PALM2AKAP2: variants seen among roughly 807,000 people sequenced by gnomAD.
PALM2AKAP2 encodes PALM2 and AKAP2 fusion, also known as PALM2-AKAP2 fusion protein.
PALM2AKAP2 carries 37 observed loss-of-function variants against 71.5 expected under a neutral mutation model. The ratio of observed to expected loss-of-function variants is 0.52; its 90% CI spans 0.40 to 0.68. The LOEUF (loss-of-function observed/expected upper bound fraction) is 0.68. Ranked by LOEUF, PALM2AKAP2 falls within the 30% of genes least tolerant of loss-of-function variation. The pLI is 0.00. For missense variants in PALM2AKAP2, 1,224 were observed against 1,191.8 expected (o/e 1.03, Z -0.40); for synonymous variants, 468 against 478.8 (o/e 0.98, Z 0.29).
intron 1 of PALM2AKAP2, among the ~76,000 whole-genome samples, chr9:109,755,367 A>T (rs1156346343): frequency 6.6e-6 from 1 of 151,090 alleles, no homozygotes; most frequent in East Asian, 1.9e-4. Context: ...TGGCCTTCAG[A>T]CTCTTTCTGT....
chr9:110,046,464 CTTTT>C (rs10601764), upstream of PALM2AKAP2, among the ~76,000 whole-genome samples: 14 of 104,724 alleles, frequency 1.3e-4, no homozygotes, highest in African/African-American at 4.7e-4. Flanking sequence ...GATTGCTTTA[CTTTT>C]TTTTTTTTTT....
chr9:109,974,826 T>C (rs1832142025), intron 6 of PALM2AKAP2, among the ~76,000 whole-genome samples: 1 of 152,198 alleles, frequency 6.6e-6, no homozygotes, highest in African/African-American at 2.4e-5. Flanking sequence ...CACTTCTTAA[T>C]GAGGTGAAGC....
At chr9:110,128,342 C>A (rs1044607339) in intron 1 of PALM2AKAP2, among the ~76,000 whole-genome samples, 4 of 152,154 alleles carry the variant, frequency 2.6e-5, no homozygotes, top group African/African-American at 7.2e-5. Context: ...ATTGTCATTG[C>A]GTCCTGCGCA....
intron 1 of PALM2AKAP2, among the ~76,000 whole-genome samples, chr9:109,647,024 C>G (rs1222874225): frequency 1.3e-5 from 2 of 152,202 alleles, no homozygotes; most frequent in African/African-American, 4.8e-5. Flanking sequence ...TTCTCTCACT[C>G]ATATCTCAGT....
intron 3 of PALM2AKAP2, among the ~76,000 whole-genome samples, chr9:109,904,421 A>G (rs1830398701): frequency 6.6e-6 from 1 of 152,162 alleles, no homozygotes. Flanking sequence ...TGGGAATATA[A>G]TTTTCTTATG....
chr9:109,733,059 T>C (rs545625544), intron 1 of PALM2AKAP2, among the ~76,000 whole-genome samples: 2 of 152,122 alleles, frequency 1.3e-5, no homozygotes, highest in African/African-American at 4.8e-5. Flanking sequence ...TTATATTCTA[T>C]AGGGGCTGGG....
chr9:110,082,029 G>T (rs1834460802), intron 1 of PALM2AKAP2, among the ~76,000 whole-genome samples: 1 of 152,054 alleles, frequency 6.6e-6, no homozygotes, highest in South Asian at 2.1e-4. Context: ...CACCTATCTG[G>T]TTCTTTGGTT....
At chr9:109,656,312 C>T (rs1827307197) in intron 1 of PALM2AKAP2, among the ~76,000 whole-genome samples, 1 of 152,152 alleles carries the variant, frequency 6.6e-6, no homozygotes. Context: ...TCAGCCAGAC[C>T]TTCTAGGCCA....
chr9:109,862,886 A>G (rs1256792838), intron 1 of PALM2AKAP2: 3 of 512,940 alleles, frequency 5.8e-6, no homozygotes, highest in Non-Finnish European at 1.2e-5. Flanking sequence ...GAGGACATGA[A>G]CCAGCCGGGA....
At chr9:110,007,537 G>T (rs1237862131) in intron 6 of PALM2AKAP2, among the ~76,000 whole-genome samples, 1 of 152,170 alleles carries the variant, frequency 6.6e-6, no homozygotes, top group African/African-American at 2.4e-5. Flanking sequence ...TCCTAAGCTG[G>T]AACTTTTGGG....
chr9:109,964,511 A>G (rs1007947204), intron 6 of PALM2AKAP2, among the ~76,000 whole-genome samples: 2 of 152,174 alleles, frequency 1.3e-5, no homozygotes, highest in African/African-American at 4.8e-5. Flanking sequence ...TTCCACAATG[A>G]TCTTTAGGTT....
intron 1 of PALM2AKAP2, among the ~76,000 whole-genome samples, chr9:109,745,662 T>C (rs892617423): frequency 6.6e-6 from 1 of 152,148 alleles, no homozygotes. Context: ...ACACTATGAA[T>C]AGTAAACACA....
At chr9:109,697,638 A>T (rs1827991535) in intron 1 of PALM2AKAP2, among the ~76,000 whole-genome samples, 1 of 152,220 alleles carries the variant, frequency 6.6e-6, no homozygotes. Flanking sequence ...AATAAATTAC[A>T]TTTAAAAAAA....
At chr9:110,136,265 T>G (rs1835862632) in exon 2 of PALM2AKAP2, 1 of 1,614,190 alleles carries the variant, frequency 6.2e-7, no homozygotes, top group Admixed American at 1.7e-5. Flanking sequence ...TGTTGCAGAA[T>G]GTAAAAGTGT....
chr9:109,885,520 A>T (rs1829945403), intron 3 of PALM2AKAP2, among the ~76,000 whole-genome samples: 1 of 152,238 alleles, frequency 6.6e-6, no homozygotes, highest in Non-Finnish European at 1.5e-5. Flanking sequence ...GTAAATGGAA[A>T]AAAGGATAGA....
chr9:109,895,623 C>T (rs1231358140), intron 3 of PALM2AKAP2, among the ~76,000 whole-genome samples: 3 of 152,188 alleles, frequency 2.0e-5, no homozygotes, highest in Non-Finnish European at 4.4e-5. Flanking sequence ...CTTACCTTCT[C>T]TTACTTTTAA....
rs10528378 is a variant in PALM2AKAP2 at position 109,758,530 on chromosome 9, T to TTG, written c.6-21936_6-21935dup. Among the ~76,000 whole-genome samples, 127 of 150,768 alleles carry TTG rather than the reference T, an allele frequency of 8.4e-4. No individual in the cohort carries two copies. In the East Asian group the frequency reaches 0.01, roughly 12 times the overall value. The stretch of plus-strand genomic sequence containing the variant: ...CCCAATGCATACAAGAGAGTGCAGT[T>TTG]TGTGTGTGTGTGTGTGTGTGTGTCA... On this transcript the variant is annotated intron_variant, in intron 1 of 6. Coordinates refer to the PALM2AKAP2 transcript ENST00000374531.
At position 110,109,211 on chromosome 9, in the gene PALM2AKAP2, G is replaced by A. The variant is rs186334971; in HGVS notation, c.157-26916G>A. On this transcript the variant is annotated intron_variant, in intron 1 of 3. Transcript: ENST00000374525. ...ACATACCTGTAATCCCAGCTAGTCA[G>A]AAGGCTGAGGCAGGAGAATTGCTTG... Among the ~76,000 whole-genome samples, 198 of 150,802 alleles carry A rather than the reference G, an allele frequency of 1.3e-3. 1 individual carries two copies. Among genetic ancestry groups the A allele is most frequent in the African/African-American group, 4.6e-3 (190 of 41,088 alleles).
At chr9:109,742,251 TCACACACACACACACACACACACA>T (rs72323941) in intron 1 of PALM2AKAP2, among the ~76,000 whole-genome samples, 15 of 145,412 alleles carry the variant, frequency 1.0e-4, no homozygotes, top group African/African-American at 2.3e-4. Context: ...TGTGATGTAT[TCACACACACACACACACACACACA>T]CACACACACA....
Sources: allele counts gnomAD v4.1 joint callset (sites outside exome capture counted in the v4.1 genomes callset), GRCh38; gene constraint gnomAD v4.1.1; transcripts MANE v1.5; gene names NCBI Gene and HGNC (gene_info 2026-07-23, HGNC 2026-07-21).